The following DDR2 variants were observed in gnomAD, a reference collection of about 807,000 sequenced individuals.
The protein encoded by DDR2 is discoidin domain-containing receptor 2.
In DDR2, 27 loss-of-function variants were observed where a neutral mutation model predicts 94.9. The observed-to-expected ratio is 0.28, with a 90% CI of 0.21 to 0.39. The LOEUF (loss-of-function observed/expected upper bound fraction) is 0.39, where lower values mean the gene tolerates loss of function less well. Among genes scored for constraint, DDR2 ranks in the 10% least tolerant of loss-of-function variants. The pLI is 1.00. For synonymous variants in DDR2, 382 were observed against 377.2 expected (o/e 1.01, Z -0.15); for missense variants, 783 against 1,076.0 (o/e 0.73, Z 3.81).
rs909076286 is a variant in DDR2, at chr1:162,759,718, G to A, written c.672-78G>A. 3.2e-5 allele frequency: 50 copies of A among 1,551,828 alleles called. No homozygotes were observed. The East Asian group carries it at 5.9e-4, about 18-fold the overall frequency. ...ATACAAAATCTGGAGTGAAGATGCC[G>A]GGTAAAAGCTCTTCCACGAATGTGT... On this transcript the variant is annotated intron_variant, in intron 7 of 17. Coordinates refer to ENST00000367921, the MANE Select transcript of DDR2 (RefSeq NM_006182.4).
At chr1:162,657,708 G>C (rs1448855400) in intron 2 of DDR2, among the ~76,000 whole-genome samples, 1 of 152,102 alleles carries the variant, frequency 6.6e-6, no homozygotes, top group Non-Finnish European at 1.5e-5. Flanking sequence ...AGTTCCCAGA[G>C]GGAGAAGTCA....
intron 2 of DDR2, among the ~76,000 whole-genome samples, chr1:162,689,889 G>GC (rs1659887392): frequency 6.8e-6 from 1 of 146,022 alleles, no homozygotes; most frequent in South Asian, 2.2e-4. Flanking sequence ...GGTGGTGCAT[G>GC]CCTGTAACCC....
intron 3 of DDR2, among the ~76,000 whole-genome samples, chr1:162,747,455 G>C (rs1032795130): frequency 2.1e-5 from 1 of 47,916 alleles, no homozygotes; most frequent in Non-Finnish European, 8.9e-5. Context: ...AGAGAAAAAA[G>C]AGTAAAAAAA....
chr1:162,758,256 G>A (rs984820869), intron 7 of DDR2, among the ~76,000 whole-genome samples: 9 of 152,288 alleles, frequency 5.9e-5, no homozygotes, highest in Admixed American at 5.9e-4. Flanking sequence ...AGGTGGCTGA[G>A]TGAAGAGATC....
intron 3 of DDR2, among the ~76,000 whole-genome samples, chr1:162,725,356 A>G (rs569341198): frequency 5.5e-4 from 83 of 152,050 alleles, no homozygotes; most frequent in African/African-American, 1.9e-3. Flanking sequence ...CCAACAATGT[A>G]TCAGTTAAGA....
intron 3 of DDR2, among the ~76,000 whole-genome samples, chr1:162,737,077 T>C (rs971059961): frequency 1.3e-5 from 2 of 152,122 alleles, no homozygotes; most frequent in African/African-American, 4.8e-5. Flanking sequence ...TTTTCTTTTC[T>C]CCTTTGCTTT....
chr1:162,712,529 G>A (rs534063936), intron 2 of DDR2, among the ~76,000 whole-genome samples: 2 of 151,958 alleles, frequency 1.3e-5, no homozygotes, highest in Non-Finnish European at 2.9e-5. Flanking sequence ...CTGGTTTCCT[G>A]GTGGCTTTGA....
chr1:162,709,918 C>T (rs1660820631), intron 2 of DDR2, among the ~76,000 whole-genome samples: 1 of 152,160 alleles, frequency 6.6e-6, no homozygotes, highest in Admixed American at 6.5e-5. Context: ...CTGGAAAATG[C>T]TCTGCCTTCA....
At chr1:162,745,322 TTTG>T (rs1301652426) in intron 3 of DDR2, among the ~76,000 whole-genome samples, 2 of 152,332 alleles carry the variant, frequency 1.3e-5, no homozygotes, top group African/African-American at 4.8e-5. Context: ...TGCGGAAGTT[TTTG>T]TTGTTGTTGT....
chr1:162,749,841 C>A (rs1663087490), intron 3 of DDR2, among the ~76,000 whole-genome samples: 1 of 152,206 alleles, frequency 6.6e-6, no homozygotes, highest in African/African-American at 2.4e-5. Context: ...CCCTGGGATG[C>A]AAGGCTGCTT....
intron 2 of DDR2, among the ~76,000 whole-genome samples, chr1:162,681,148 CT>C (rs1205929852): frequency 6.6e-6 from 1 of 152,092 alleles, no homozygotes; most frequent in Admixed American, 6.5e-5. Context: ...TGTTTTTTAG[CT>C]TTTATAAAAT....
At chr1:162,718,946 T>G in intron 2 of DDR2, 91 bp from the exon 3 acceptor site, 1 of 1,295,256 alleles carries the variant, frequency 7.7e-7, no homozygotes, top group South Asian at 1.2e-5. Flanking sequence ...AAATTAATTG[T>G]GAGAATTGTA....
intron 3 of DDR2, among the ~76,000 whole-genome samples, chr1:162,743,507 C>T (rs1402233318): frequency 6.6e-6 from 1 of 152,164 alleles, no homozygotes; most frequent in Non-Finnish European, 1.5e-5. Flanking sequence ...CTCTACTCCA[C>T]CCTGCAGTCC....
At position 162,717,074 on chromosome 1, in the gene DDR2, C is replaced by T. The variant is rs1488067831; in HGVS notation, c.-27-1963C>T. Among the ~76,000 whole-genome samples the T allele has an allele frequency of 4.0e-5, 6 of 150,000 alleles. No homozygotes were observed. In the East Asian group the frequency reaches 5.8e-4, roughly 15 times the overall value. ...TTTTTTTTTTTTTGTCTCACTCTGT[C>T]GCCCAGGCTGGAGTGCAGTGGCACA... is the stretch of plus-strand genomic sequence containing the variant. On this transcript the variant is annotated intron_variant, in intron 2 of 17. Transcript: ENST00000367921.
intron 13 of DDR2, among the ~76,000 whole-genome samples, chr1:162,773,035 G>A (rs1647310282): frequency 6.6e-6 from 1 of 152,156 alleles, no homozygotes; most frequent in African/African-American, 2.4e-5. Flanking sequence ...ACCCACATCT[G>A]TTATACTGTT....
chr1:162,682,661 C>T (rs537017658), intron 2 of DDR2, among the ~76,000 whole-genome samples: 2 of 152,304 alleles, frequency 1.3e-5, no homozygotes, highest in South Asian at 4.1e-4. Flanking sequence ...TAGGCAAGTA[C>T]TTCTATTTCT....
intron 12 of DDR2, chr1:162,770,773 G>A: frequency 3.7e-6 from 2 of 533,782 alleles, no homozygotes; most frequent in South Asian, 3.8e-5. Context: ...ATGTGAATTA[G>A]GTGTTGACAC....
At chr1:162,653,299 G>A (rs555329197) in intron 1 of DDR2, among the ~76,000 whole-genome samples, 137 of 151,054 alleles carry the variant, frequency 9.1e-4, no homozygotes, top group Middle Eastern at 7.2e-3. Flanking sequence ...TTTGGGGGCC[G>A]GGCATGGTGG....
intron 3 of DDR2, among the ~76,000 whole-genome samples, chr1:162,734,052 A>C (rs1662182950): frequency 6.6e-6 from 1 of 152,248 alleles, no homozygotes; most frequent in Non-Finnish European, 1.5e-5. Context: ...CCATGAGACA[A>C]ATTATTTTAT....
Sources: gnomAD v4.1 joint callset for allele counts (sites outside exome capture counted in the v4.1 genomes callset) on GRCh38, gnomAD v4.1.1 for gene constraint, MANE v1.5 for transcripts, NCBI Gene and HGNC (gene_info 2026-07-23, HGNC 2026-07-21) for gene names.